The following PIWIL2 variants were observed in gnomAD, a reference collection of about 807,000 sequenced individuals.
The protein encoded by PIWIL2 is piwi-like protein 2.
In PIWIL2, 81 loss-of-function variants were observed where a neutral mutation model predicts 116.5. The observed-to-expected ratio is 0.70, with a 90% CI of 0.58 to 0.84. The LOEUF (loss-of-function observed/expected upper bound fraction) is 0.84, where lower values mean the gene tolerates loss of function less well. Among genes scored for constraint, PIWIL2 ranks in the 40% least tolerant of loss-of-function variants. The pLI is 0.00. For synonymous variants in PIWIL2, 489 were observed against 429.5 expected, an observed-to-expected ratio of 1.14 and a Z score of -1.71; for missense variants, 1,272 against 1,212.3, an observed-to-expected ratio of 1.05 and a Z score of -0.73.
intron 10 of PIWIL2, among the ~76,000 whole-genome samples, chr8:22,295,527 A>G (rs900189664): frequency 2.0e-5 from 3 of 152,136 alleles, no homozygotes; most frequent in Non-Finnish European, 4.4e-5. Context: ...CTTCTCCAAG[A>G]TAGTGAGAAG....
At chr8:22,318,903 G>T (rs190988314) in intron 20 of PIWIL2, among the ~76,000 whole-genome samples, 80 of 152,344 alleles carry the variant, frequency 5.3e-4, no homozygotes, top group Admixed American at 3.7e-3. Context: ...AGCAATTAAA[G>T]CAGCTTATGA....
chr8:22,318,145 GTC>G, intron 19 of PIWIL2, 23 bp from the exon 20 acceptor site: 4 of 1,434,580 alleles, frequency 2.8e-6, no homozygotes, highest in Admixed American at 1.7e-5. Context: ...TCCTTTCTCT[GTC>G]TCTCTGCTCA....
intron 10 of PIWIL2, among the ~76,000 whole-genome samples, chr8:22,290,958 A>G (rs1830748036): frequency 6.7e-6 from 1 of 150,158 alleles, no homozygotes; most frequent in African/African-American, 2.4e-5. Context: ...TGTAGTAAAT[A>G]CAGATGTGTA....
At chr8:22,276,695 G>A (rs183872033) in intron 1 of PIWIL2, among the ~76,000 whole-genome samples, 69 of 152,238 alleles carry the variant, frequency 4.5e-4, no homozygotes, top group African/African-American at 1.2e-3. Flanking sequence ...GAGGTCAGCA[G>A]TTTGAGACCA....
chr8:22,287,577 C>A lies in PIWIL2; in HGVS notation c.793C>A (p.Gln265Lys). Reference protein sequence around the residue: ...SMRFGMLKDHQAVTGNVTAFD... With the variant: ...SMRFGMLKDHKAVTGNVTAFD... ...GAGGTTCGGCATGTTGAAGGACCAT[C>A]AAGCTGTCACCGGCAACGTCACTGC... The change falls in exon 7 of 23, where the codon CAA becomes AAA. Residue 265 changes from glutamine to lysine, a missense_variant. By Grantham distance (53) the Gln-to-Lys change is moderately conservative. Coordinates refer to ENST00000356766, the MANE Select transcript of PIWIL2 (RefSeq NM_018068.5). 6.2e-7 allele frequency: 1 copy of A among 1,613,968 alleles called. No individual in the cohort carries two copies. Among genetic ancestry groups the A allele is most frequent in the Non-Finnish European group, 8.5e-7 (1 of 1,179,832 alleles).
intron 15 of PIWIL2, among the ~76,000 whole-genome samples, chr8:22,310,748 A>T (rs1737040860): frequency 6.6e-6 from 1 of 152,148 alleles, no homozygotes; most frequent in Non-Finnish European, 1.5e-5. Context: ...CACCCAGTAT[A>T]GCCACTGTCC....
At position 22,281,063 on chromosome 8, in the gene PIWIL2, C is replaced by G. The variant is rs188697846; in HGVS notation, c.199-57C>G. The G allele has an allele frequency of 5.1e-4, 500 of 971,792 alleles. 1 individual carries two copies. In the African/African-American group the frequency reaches 7.2e-3, roughly 14 times the overall value. 60.2% of individuals were successfully genotyped at this position (971,792 alleles called of 1,614,324 possible). A position where few individuals can be genotyped will look rare whatever the true frequency, so the allele number is the denominator to read the frequency against. ...TATTATATACCAAGACTAAGAAAGCCCTTGTTTCTGGGGTTTTAAACTACC... is the reference window on the plus strand; with the variant it reads ...TATTATATACCAAGACTAAGAAAGCGCTTGTTTCTGGGGTTTTAAACTACC... On this transcript the variant is annotated intron_variant, in intron 2 of 22. Coordinates refer to ENST00000356766, the MANE Select transcript of PIWIL2 (RefSeq NM_018068.5).
intron 10 of PIWIL2, among the ~76,000 whole-genome samples, chr8:22,295,729 G>T (rs541591896): frequency 6.6e-6 from 1 of 152,176 alleles, no homozygotes; most frequent in African/African-American, 2.4e-5. Flanking sequence ...CCACAGAAGA[G>T]CATTTATTTT....
At chr8:22,351,138 G>A (rs997135595) in intron 20 of PIWIL2, among the ~76,000 whole-genome samples, 2 of 151,602 alleles carry the variant, frequency 1.3e-5, no homozygotes, top group Non-Finnish European at 2.9e-5. Flanking sequence ...GCAACAGAGC[G>A]AGACTCTGTT....
chr8:22,289,814 T>G, intron 8 of PIWIL2, 33 bp from the exon 9 acceptor site: 1 of 1,257,832 alleles, frequency 8.0e-7, no homozygotes, highest in South Asian at 1.2e-5. Flanking sequence ...ATTACTCTTC[T>G]ATTAGAAAAC....
chr8:22,357,461 A>G lies in PIWIL2; in HGVS notation c.*1956A>G, dbSNP rs1266103474. 1 of 152,216 alleles carries G rather than the reference A, an allele frequency of 6.6e-6. No individual in the cohort carries two copies. 9.4% of individuals were successfully genotyped at this position (152,216 alleles called of 1,614,324 possible). A position where few individuals can be genotyped will look rare whatever the true frequency, so the allele number is the denominator to read the frequency against. On this transcript the variant is annotated 3_prime_UTR_variant, in exon 23 of 23. Transcript: ENST00000356766. ...AGAACAAATGGTTGAATACATTATA[A>G]TACAAAAATTTCTTCACTTTTTATT...
chr8:22,336,640 C>A (rs980182470), intron 20 of PIWIL2, among the ~76,000 whole-genome samples: 4 of 152,102 alleles, frequency 2.6e-5, no homozygotes, highest in Non-Finnish European at 5.9e-5. Context: ...GGTGCAGTGG[C>A]TCATGCTTGT....
chr8:22,285,296 T>G (rs1830604932), intron 6 of PIWIL2, among the ~76,000 whole-genome samples: 1 of 152,200 alleles, frequency 6.6e-6, no homozygotes, highest in Non-Finnish European at 1.5e-5. Context: ...CTTTTTTAGA[T>G]TCCATATATG....
At position 22,314,642 on chromosome 8, in the gene PIWIL2, G is replaced by A. The variant is rs570317349; in HGVS notation, c.2091+213G>A. On this transcript the variant is annotated intron_variant, in intron 17 of 22. Transcript: ENST00000356766. ...CTCATGCTTCCAAATGAACAGTTTC[G>A]CTTGTTCCGAGGTTGAGTCACCAGG... 7.2e-5 allele frequency among the ~76,000 whole-genome samples: 11 copies of A among 152,248 alleles called. No individual in the cohort carries two copies. In the East Asian group the frequency reaches 7.7e-4, roughly 11 times the overall value.
intron 20 of PIWIL2, 23 bp downstream of exon 20, chr8:22,318,298 G>A: frequency 7.7e-7 from 1 of 1,291,568 alleles, no homozygotes; most frequent in Non-Finnish European, 1.1e-6. Flanking sequence ...GAAATTCTCA[G>A]GCTTCTGGGG....
intron 10 of PIWIL2, among the ~76,000 whole-genome samples, chr8:22,290,572 G>A (rs11779087): frequency 0.41 from 61,605 of 150,708 alleles, 15,132 homozygotes; most frequent in East Asian, 0.82. Flanking sequence ...CTTCTGAGTA[G>A]CCAGGACTAC....
chr8:22,279,379 G>C lies in PIWIL2; in HGVS notation c.-8G>C, dbSNP rs1768026756. On this transcript the variant is annotated 5_prime_UTR_variant, in exon 2 of 23. Coordinates refer to ENST00000356766, the MANE Select transcript of PIWIL2 (RefSeq NM_018068.5). ...ACAGGATCGACACGTGTTCTCTACAGCCCGTCCATGGATCCTTTCCGACCA... is the reference window on the plus strand; with the variant it reads ...ACAGGATCGACACGTGTTCTCTACACCCCGTCCATGGATCCTTTCCGACCA... 1.2e-6 allele frequency: 2 copies of C among 1,612,654 alleles called. No homozygotes were observed. The highest frequency in any genetic ancestry group is 1.6e-4 in the Middle Eastern group (1 of 6,062).
intron 20 of PIWIL2, among the ~76,000 whole-genome samples, chr8:22,349,718 CTT>C (rs1018202235): frequency 6.6e-6 from 1 of 152,106 alleles, no homozygotes; most frequent in Non-Finnish European, 1.5e-5. Context: ...GAACTGGTAA[CTT>C]GAGCAGAATA....
In PIWIL2 at chr8:22,289,991, A is replaced by G. The variant is rs1038817865; in HGVS notation, c.1067+64A>G. On this transcript the variant is annotated intron_variant, in intron 9 of 22. Transcript: ENST00000356766. ...TGGAAAGAAAGTTTCCATTACAACC[A>G]TTGTATTTAGTACTATAATGTCAGC... The G allele has an allele frequency of 7.5e-6, 8 of 1,072,650 alleles. 1 individual carries two copies. Among genetic ancestry groups the G allele is most frequent in the Non-Finnish European group, 8.7e-6 (6 of 692,276 alleles). The allele number at this position is 1,072,650 out of a possible 1,614,324, so 66.4% of individuals were successfully genotyped here.
Sources: gnomAD v4.1 joint callset for allele counts (sites outside exome capture counted in the v4.1 genomes callset) on GRCh38, gnomAD v4.1.1 for gene constraint, MANE v1.5 for transcripts, NCBI Gene and HGNC (gene_info 2026-07-23, HGNC 2026-07-21) for gene names.